The following ANKRD12 variants were observed in gnomAD, a reference collection of about 807,000 sequenced individuals.
ANKRD12 encodes ankyrin repeat domain-containing protein 12.
In ANKRD12, 85 loss-of-function variants were observed where a neutral mutation model predicts 183.4. The ratio of observed to expected loss-of-function variants is 0.46; its 90% CI spans 0.39 to 0.56. The LOEUF (loss-of-function observed/expected upper bound fraction) is 0.56. Among genes scored for constraint, ANKRD12 ranks in the 20% least tolerant of loss-of-function variants. The pLI is 0.00. For synonymous variants in ANKRD12, 914 were observed against 800.2 expected, an observed-to-expected ratio of 1.14 and a Z score of -2.40; for missense variants, 2,405 against 2,357.1, an observed-to-expected ratio of 1.02 and a Z score of -0.42.
chr18:9,277,855 C>A (rs1042600416), intron 11 of ANKRD12, among the ~76,000 whole-genome samples: 1 of 152,122 alleles, frequency 6.6e-6, no homozygotes, highest in African/African-American at 2.4e-5. Context: ...AATGCGTTTT[C>A]CTAGAACAGT....
chr18:9,272,375 C>T (rs566595560), intron 10 of ANKRD12, among the ~76,000 whole-genome samples: 2 of 152,012 alleles, frequency 1.3e-5, no homozygotes, highest in African/African-American at 4.8e-5. Context: ...CCAGCCTGGC[C>T]AACCTGGTGA....
At chr18:9,138,382 G>T (rs182485749) in intron 1 of ANKRD12, among the ~76,000 whole-genome samples, 1 of 152,224 alleles carries the variant, frequency 6.6e-6, no homozygotes, top group African/African-American at 2.4e-5. Context: ...GCGTGGTGGC[G>T]CATGTCTGTA....
intron 1 of ANKRD12, among the ~76,000 whole-genome samples, chr18:9,164,803 A>AT (rs1425256621): frequency 6.6e-6 from 1 of 152,142 alleles, no homozygotes; most frequent in Non-Finnish European, 1.5e-5. Flanking sequence ...GGAGTGTTTT[A>AT]TTAATAATTG....
rs2035823703 is a variant in ANKRD12, at chr18:9,211,913, A to C, written c.652+129A>C. On this transcript the variant is annotated intron_variant, in intron 6 of 12. Coordinates refer to ENST00000262126, the MANE Select transcript of ANKRD12 (RefSeq NM_015208.5). ...AGTTCTAAAAATACTCTTTATTACA[A>C]AACTTTTGGAGTTCGTACATAAAAC... 7.6e-6 allele frequency: 6 copies of C among 794,376 alleles called. No individual in the cohort carries two copies. In the African/African-American group the frequency reaches 1.0e-4, roughly 14 times the overall value. The allele number at this position is 794,376 out of a possible 1,614,324, so 49.2% of individuals were successfully genotyped here.
intron 2 of ANKRD12, among the ~76,000 whole-genome samples, chr18:9,193,675 C>T (rs1355237459): frequency 6.6e-6 from 1 of 152,110 alleles, no homozygotes; most frequent in South Asian, 2.1e-4. Flanking sequence ...CTCCTCATCC[C>T]TCCTTTATTT....
chr18:9,157,587 A>G lies in ANKRD12; in HGVS notation c.-52+20622A>G, dbSNP rs370045811. On this transcript the variant is annotated intron_variant, in intron 1 of 12. Transcript: ENST00000262126. ...TGTGTGTGTGTGTGTGTGTGTGTGT[A>G]TATATATATATATGTATTTTTTTTT... Among the ~76,000 whole-genome samples, 791 of 85,828 alleles carry G rather than the reference A, an allele frequency of 9.2e-3. 9 individuals are homozygous for G. The highest frequency in any genetic ancestry group is 0.049 in the African/African-American group (611 of 12,366). 56.3% of individuals were successfully genotyped at this position (85,828 alleles called of 152,430 possible).
chr18:9,254,008 A>G (rs964055093), intron 8 of ANKRD12, among the ~76,000 whole-genome samples: 1 of 152,194 alleles, frequency 6.6e-6, no homozygotes, highest in Non-Finnish European at 1.5e-5. Context: ...ACCATAAAGC[A>G]TATTCTCTAG....
intron 10 of ANKRD12, 66 bp downstream of exon 10, chr18:9,263,954 C>G (rs768704477): frequency 8.4e-5 from 99 of 1,172,434 alleles, no homozygotes; most frequent in Non-Finnish European, 1.1e-4. Flanking sequence ...ATTAAAATGG[C>G]CTATAATTTT....
At chr18:9,243,084 A>G (rs1307771535) in intron 8 of ANKRD12, among the ~76,000 whole-genome samples, 1 of 152,208 alleles carries the variant, frequency 6.6e-6, no homozygotes, top group Non-Finnish European at 1.5e-5. Context: ...GGGGATGTGA[A>G]AGCTGTAAAG....
intron 3 of ANKRD12, among the ~76,000 whole-genome samples, chr18:9,201,827 C>CTT (rs200051164): frequency 6.3e-5 from 9 of 141,768 alleles, no homozygotes; most frequent in Non-Finnish European, 1.1e-4. Flanking sequence ...GTTTTTTTCG[C>CTT]TTTTTTTTTT....
intron 1 of ANKRD12, among the ~76,000 whole-genome samples, chr18:9,172,178 T>G (rs1433931819): frequency 6.6e-6 from 1 of 152,168 alleles, no homozygotes; most frequent in South Asian, 2.1e-4. Flanking sequence ...TTTCTTTCAT[T>G]TTGATCTTGG....
At chr18:9,231,970 T>TA (rs1345550051) in intron 8 of ANKRD12, among the ~76,000 whole-genome samples, 3 of 152,208 alleles carry the variant, frequency 2.0e-5, no homozygotes, top group African/African-American at 4.8e-5. Context: ...ATAGGCAACA[T>TA]ATAGTTGGAT....
At chr18:9,270,732 G>A (rs1038652727) in intron 10 of ANKRD12, among the ~76,000 whole-genome samples, 8 of 152,088 alleles carry the variant, frequency 5.3e-5, no homozygotes, top group Admixed American at 1.3e-4. Context: ...AAACCTGCAC[G>A]TTGTGCACAT....
At chr18:9,196,725 T>G (rs1400555922) in intron 3 of ANKRD12, among the ~76,000 whole-genome samples, 2 of 152,212 alleles carry the variant, frequency 1.3e-5, no homozygotes, top group Non-Finnish European at 2.9e-5. Flanking sequence ...GAATTAAAAA[T>G]TGTTCTTAAA....
chr18:9,157,837 A>G (rs1264289298), intron 1 of ANKRD12, among the ~76,000 whole-genome samples: 1 of 152,062 alleles, frequency 6.6e-6, no homozygotes, highest in Non-Finnish European at 1.5e-5. Context: ...ATGACCAAAG[A>G]TATTAACAAA....
At chr18:9,206,332 T>C (rs1043235538) in intron 4 of ANKRD12, among the ~76,000 whole-genome samples, 13 of 152,180 alleles carry the variant, frequency 8.5e-5, no homozygotes, top group Admixed American at 3.9e-4. Context: ...TTTTTAAGTA[T>C]TATTTAATCA....
intron 8 of ANKRD12, among the ~76,000 whole-genome samples, chr18:9,243,169 A>C (rs1240949151): frequency 6.6e-6 from 1 of 152,184 alleles, no homozygotes; most frequent in Admixed American, 6.5e-5. Context: ...CATGTACATA[A>C]TTCTTGAATA....
At chr18:9,155,099 A>G (rs994634040) in intron 1 of ANKRD12, among the ~76,000 whole-genome samples, 2 of 152,230 alleles carry the variant, frequency 1.3e-5, no homozygotes, top group African/African-American at 4.8e-5. Flanking sequence ...GGCACCCCTA[A>G]TATTTACAAG....
intron 1 of ANKRD12, among the ~76,000 whole-genome samples, chr18:9,159,599 A>AT (rs71168039): frequency 0.75 from 107,826 of 142,932 alleles, 40,880 homozygotes; most frequent in Middle Eastern, 0.87. Flanking sequence ...GCCTGGCTAA[A>AT]TTTTTTTTTT....
Sources: allele counts gnomAD v4.1 joint callset (sites outside exome capture counted in the v4.1 genomes callset), GRCh38; gene constraint gnomAD v4.1.1; transcripts MANE v1.5; gene names NCBI Gene and HGNC (gene_info 2026-07-23, HGNC 2026-07-21).